The following TLE1 variants were observed in gnomAD, a reference collection of about 807,000 sequenced individuals.
TLE1 encodes the protein TLE family member 1, transcriptional corepressor, also known as transducin-like enhancer protein 1.
In TLE1, 21 loss-of-function variants were observed where a neutral mutation model predicts 89.8. The observed-to-expected ratio is 0.23, with a 90% CI of 0.17 to 0.34. The LOEUF (loss-of-function observed/expected upper bound fraction) is 0.34. Among genes scored for constraint, TLE1 ranks in the 10% least tolerant of loss-of-function variants. TLE1 has a pLI of 1.00. For synonymous variants in TLE1, 447 were observed against 407.6 expected, an observed-to-expected ratio of 1.10 and a Z score of -1.16; for missense variants, 795 against 1,031.2, an observed-to-expected ratio of 0.77 and a Z score of 3.14.
intron 4 of TLE1, among the ~76,000 whole-genome samples, chr9:81,662,361 T>TTTTTTTTGTGTGTGTGTGTG (rs1290826547): frequency 1.4e-5 from 2 of 138,360 alleles, no homozygotes. Context: ...TGTGCCTGTT[T>TTTTTTTTGTGTGTGTGTGTG]TGTGTGTGTG....
At chr9:81,666,088 A>G (rs1831427144) in intron 4 of TLE1, among the ~76,000 whole-genome samples, 1 of 152,110 alleles carries the variant, frequency 6.6e-6, no homozygotes, top group African/African-American at 2.4e-5. Flanking sequence ...GCACATTTCC[A>G]TTATTCAGAA....
chr9:81,629,177 A>T (rs11139348), intron 8 of TLE1, among the ~76,000 whole-genome samples: 2 of 115,116 alleles, frequency 1.7e-5, no homozygotes, highest in African/African-American at 9.3e-5. Flanking sequence ...CAAATGACTC[A>T]AAGTATTTAA....
At chr9:81,594,110 ACTGCTCTAAAAAAATAAATAGGG>A (rs1220522327) in intron 14 of TLE1, among the ~76,000 whole-genome samples, 4 of 152,026 alleles carry the variant, frequency 2.6e-5, no homozygotes, top group African/African-American at 7.2e-5. Flanking sequence ...AGAACCTATA[ACTGCTCTAAAAAAATAAATAGGG>A]AGAGAGCATA....
intron 2 of TLE1, among the ~76,000 whole-genome samples, 200 bp from the exon 3 acceptor site, chr9:81,686,096 A>G (rs774082399): frequency 4.6e-5 from 7 of 152,212 alleles, no homozygotes; most frequent in Admixed American, 2.6e-4. Flanking sequence ...CCATTCAGCT[A>G]CCATTCTTCT....
At chr9:81,604,552 C>T (rs554058558) in intron 14 of TLE1, among the ~76,000 whole-genome samples, 2 of 152,280 alleles carry the variant, frequency 1.3e-5, no homozygotes, top group South Asian at 4.1e-4. Flanking sequence ...AGCTCAAGGG[C>T]TAGAAGAGTT....
chr9:81,653,054 G>A lies in TLE1; in HGVS notation c.298-766C>T, dbSNP rs77315202. ...AAAAACAAAGCCATAAATTTACTTT[G>A]GGAGGCATGAGAATGTAACATAGAG... On this transcript the variant is annotated intron_variant, in intron 5 of 19. Transcript: ENST00000376499. Among the ~76,000 whole-genome samples, 10 of 152,262 alleles carry A rather than the reference G, an allele frequency of 6.6e-5. No homozygotes were observed. In the East Asian group the frequency reaches 1.5e-3, roughly 23 times the overall value.
rs1823747339 is a variant in TLE1 at position 81,611,794 on chromosome 9, A to G, written c.1229T>C (p.Val410Ala). Residue 410 changes from valine to alanine, a missense_variant, in exon 13 of 20, where the codon GTG (valine) becomes GCG (alanine). Val to Ala is a moderately conservative substitution (Grantham distance 64). Around this residue, in one of 4 missense-constraint regions of TLE1, gnomAD observed 468 missense variants for 509.1 expected, o/e 0.92. Coordinates refer to ENST00000376499, the MANE Select transcript of TLE1 (RefSeq NM_005077.5). ...QMSAAAAAAAVVAYGRSPMVG... is the reference protein window; with the variant it reads ...QMSAAAAAAAAVAYGRSPMVG... ...CATGGGGGAGCGCCCGTAGGCCACC[A>G]CGGCGGCCGCGGCGGCTGCGGCGCT... 2 of 1,548,172 alleles carry G rather than the reference A, an allele frequency of 1.3e-6. No individual in the cohort carries two copies. Among genetic ancestry groups the G allele is most frequent in the Non-Finnish European group, 1.7e-6 (2 of 1,154,614 alleles).
At chr9:81,627,709 C>G (rs902693082) in intron 8 of TLE1, among the ~76,000 whole-genome samples, 1 of 152,120 alleles carries the variant, frequency 6.6e-6, no homozygotes, top group Non-Finnish European at 1.5e-5. Context: ...CTTAACATGT[C>G]AGGTCATGAT....
intron 4 of TLE1, among the ~76,000 whole-genome samples, chr9:81,667,549 C>T (rs1459569181): frequency 1.3e-5 from 2 of 152,180 alleles, no homozygotes; most frequent in African/African-American, 4.8e-5. Context: ...TGCCACTCTC[C>T]TTCCTGAGCA....
At chr9:81,604,143 A>G (rs1362063190) in intron 14 of TLE1, among the ~76,000 whole-genome samples, 2 of 152,190 alleles carry the variant, frequency 1.3e-5, no homozygotes, top group Non-Finnish European at 2.9e-5. Flanking sequence ...CTGTTAATCT[A>G]TCTTATGTCA....
At chr9:81,628,516 T>C (rs1299768172) in intron 8 of TLE1, among the ~76,000 whole-genome samples, 2 of 152,186 alleles carry the variant, frequency 1.3e-5, no homozygotes, top group Non-Finnish European at 2.9e-5. Flanking sequence ...TCTATAATGT[T>C]GTCATTTTGA....
chr9:81,589,702 G>A (rs928007508), intron 16 of TLE1, among the ~76,000 whole-genome samples: 1 of 152,108 alleles, frequency 6.6e-6, no homozygotes, highest in Non-Finnish European at 1.5e-5. Flanking sequence ...ACTAAGTGGA[G>A]GAATATTTGA....
rs79927696 is a variant in TLE1, at chr9:81,664,928, G to T, written c.235-10892C>A. 2.1e-3 allele frequency among the ~76,000 whole-genome samples: 324 copies of T among 152,298 alleles called. 2 individuals are homozygous for T. The highest frequency in any genetic ancestry group is 7.6e-3 in the African/African-American group (314 of 41,572). On this transcript the variant is annotated intron_variant, in intron 4 of 19. Transcript: ENST00000376499. ...CTGAGGCTCTTGGACTGGGGAACAT[G>T]CTTTGAGAAGCACTGCCATCTATTT...
chr9:81,687,426 G>C lies in TLE1; in HGVS notation c.33C>G (p.His11Gln), dbSNP rs1322578127. The change falls in exon 2 of 20, where the codon CAC becomes CAG. Residue 11 changes from histidine to glutamine, a missense_variant. His to Gln is a conservative substitution (Grantham distance 24). Around this residue, in one of 4 missense-constraint regions of TLE1, gnomAD observed 47 missense variants for 48.5 expected, o/e 0.97. Transcript: ENST00000376499. MFPQSRHPTP[H>Q]QAAGQPFKFT... ...ACTTGAAGGGCTGGCCTGCAGCCTG[G>C]TGCGGCGTCTGGGGGCGACCAGCGA... 9.3e-6 allele frequency: 15 copies of C among 1,609,810 alleles called. No homozygotes were observed. The highest frequency in any genetic ancestry group is 1.3e-5 in the African/African-American group (1 of 74,922).
chr9:81,586,139 T>A (rs1828402685), intron 17 of TLE1, among the ~76,000 whole-genome samples: 2 of 150,596 alleles, frequency 1.3e-5, no homozygotes, highest in Non-Finnish European at 3.0e-5. Flanking sequence ...TGCCTCAGCC[T>A]CCCAAGTAGC....
chr9:81,622,904 G>A lies in TLE1; in HGVS notation c.595-2347C>T, dbSNP rs142337535. 3.6e-3 allele frequency among the ~76,000 whole-genome samples: 543 copies of A among 152,238 alleles called. 2 individuals are homozygous for A. Among genetic ancestry groups the A allele is most frequent in the African/African-American group, 0.012 (488 of 41,542 alleles). ...TCCCTGGCCCACGCAGCTGCCGGAC[G>A]CCCGGCAGGCTTTCCACCTAAAGTC... On this transcript the variant is annotated intron_variant, in intron 8 of 19. Coordinates refer to ENST00000376499, the MANE Select transcript of TLE1 (RefSeq NM_005077.5).
chr9:81,659,423 T>G (rs1004326176), intron 4 of TLE1, among the ~76,000 whole-genome samples: 2 of 152,182 alleles, frequency 1.3e-5, no homozygotes, highest in African/African-American at 4.8e-5. Context: ...TTATAAACTT[T>G]CCCTGTGCCT....
intron 4 of TLE1, among the ~76,000 whole-genome samples, chr9:81,682,382 G>A (rs1448916925): frequency 1.3e-5 from 2 of 152,136 alleles, no homozygotes; most frequent in African/African-American, 4.8e-5. Context: ...TGTAGGCAGA[G>A]CAAAACACCT....
In TLE1 at chr9:81,633,364, T is replaced by C. The variant is rs994882056; in HGVS notation, c.578A>G (p.Asp193Gly). ...KKHHDAEHHR[D>G]REPGTSNSLL... The stretch of plus-strand genomic sequence containing the variant: ...AGTACTTACTGTGCCCGGCTCTCTG[T>C]CTGCTCCCGAGGTTACCAAGAAACG... The change falls in exon 8 of 20, where the codon GAC becomes GGC. Residue 193 changes from aspartate to glycine, a missense_variant and splice_region_variant. By Grantham distance (94) the Asp-to-Gly change is moderately conservative (BLOSUM62 -1). Transcript: ENST00000376499. 7 of 1,613,464 alleles carry C rather than the reference T, an allele frequency of 4.3e-6. No individual in the cohort carries two copies. The highest frequency in any genetic ancestry group is 5.1e-6 in the Non-Finnish European group (6 of 1,179,938).
Sources: gnomAD v4.1 joint callset for allele counts (sites outside exome capture counted in the v4.1 genomes callset) on GRCh38, gnomAD v4.1.1 for gene constraint, gnomAD v4.1.1 regional missense constraint, MANE v1.5 for transcripts, NCBI Gene and HGNC (gene_info 2026-07-23, HGNC 2026-07-21) for gene names.